Variants in CFTR observed in about 807,000 individuals in gnomAD.
CFTR encodes the protein cystic fibrosis transmembrane conductance regulator.
CFTR carries 181 observed loss-of-function variants against 171.6 expected under a neutral mutation model. The observed-to-expected ratio is 1.05, with a 90% confidence interval of 0.93 to 1.19. The LOEUF is 1.19. CFTR is among the 50% of genes most tolerant of loss of function. CFTR has a pLI of 0.00. For missense variants in CFTR, 1,968 were observed against 1,734.7 expected, an observed-to-expected ratio of 1.13 and a Z score of -2.39; for synonymous variants, 583 against 608.0, an observed-to-expected ratio of 0.96 and a Z score of 0.60.
chr7:117,482,540 A>G (rs1437661383), intron 1 of CFTR, among the ~76,000 whole-genome samples: 2 of 152,158 alleles, frequency 1.3e-5, no homozygotes, highest in Non-Finnish European at 2.9e-5. Flanking sequence ...GTAGTTCATG[A>G]CTATCAGAGC....
At chr7:117,592,713 G>A (rs1377554119) in intron 14 of CFTR, 56 bp downstream of exon 14, 6 of 1,405,956 alleles carry the variant, frequency 4.3e-6, no homozygotes, top group Non-Finnish European at 4.7e-6. Flanking sequence ...TGAGTAGAAT[G>A]CAATATGTAG....
chr7:117,611,544 T>C (rs747529849), intron 19 of CFTR, 37 bp from the exon 20 acceptor site: 2 of 1,165,368 alleles, frequency 1.7e-6, no homozygotes, highest in Non-Finnish European at 2.6e-6. Flanking sequence ...TTTGTGTTTA[T>C]GTTATTTGCA....
intron 3 of CFTR, among the ~76,000 whole-genome samples, chr7:117,521,013 T>C (rs933753143): frequency 2.0e-5 from 3 of 152,010 alleles, no homozygotes; most frequent in Non-Finnish European, 2.9e-5. Flanking sequence ...CTCCATTTAT[T>C]TGAGACTTTT....
chr7:117,543,880 T>TAC (rs1799096706), intron 9 of CFTR, among the ~76,000 whole-genome samples: 2 of 152,328 alleles, frequency 1.3e-5, no homozygotes, highest in South Asian at 4.1e-4. Flanking sequence ...TTATATTTTG[T>TAC]AGTGACTTCT....
intron 8 of CFTR, among the ~76,000 whole-genome samples, chr7:117,540,937 T>A (rs1011900472): frequency 6.6e-6 from 1 of 151,548 alleles, no homozygotes; most frequent in African/African-American, 2.4e-5. Context: ...GGGAGATGTC[T>A]CACACACACA....
At chr7:117,484,782 A>G (rs1017799976) in intron 1 of CFTR, among the ~76,000 whole-genome samples, 6 of 151,762 alleles carry the variant, frequency 4.0e-5, no homozygotes, top group African/African-American at 1.4e-4. Context: ...AATTTTAAAA[A>G]GTTCTCCTTT....
chr7:117,595,116 G>A, intron 15 of CFTR, 58 bp downstream of exon 15: 1 of 1,434,002 alleles, frequency 7.0e-7, no homozygotes, highest in Non-Finnish European at 9.7e-7. Flanking sequence ...AGATAGTTTG[G>A]GGATGTATAC....
intron 23 of CFTR, among the ~76,000 whole-genome samples, chr7:117,651,743 C>G (rs1412364642): frequency 6.6e-6 from 1 of 152,078 alleles, no homozygotes; most frequent in African/African-American, 2.4e-5. Context: ...TATGAAATTT[C>G]TAACATGATC....
At chr7:117,647,146 G>A (rs1793005970) in intron 23 of CFTR, among the ~76,000 whole-genome samples, 1 of 151,654 alleles carries the variant, frequency 6.6e-6, no homozygotes, top group South Asian at 2.1e-4. Context: ...CACTTTTTTG[G>A]AGACAGAGTC....
At chr7:117,641,155 AG>A (rs1792905243) in intron 22 of CFTR, among the ~76,000 whole-genome samples, 1 of 152,170 alleles carries the variant, frequency 6.6e-6, no homozygotes, top group Non-Finnish European at 1.5e-5. Context: ...TACGATGGAT[AG>A]GGGGTCAACT....
At chr7:117,495,615 AAAC>A in intron 1 of CFTR, among the ~76,000 whole-genome samples, 1 of 152,306 alleles carries the variant, frequency 6.6e-6, no homozygotes, top group South Asian at 2.1e-4. Context: ...AGAGGACAGA[AAAC>A]AAACAATTTA....
At chr7:117,516,797 T>G (rs975715445) in intron 3 of CFTR, among the ~76,000 whole-genome samples, 4 of 152,140 alleles carry the variant, frequency 2.6e-5, no homozygotes, top group African/African-American at 9.7e-5. Flanking sequence ...CACTTATCTT[T>G]TGAGTTACCA....
chr7:117,532,704 G>T (rs1798883440), intron 4 of CFTR, among the ~76,000 whole-genome samples: 1 of 152,154 alleles, frequency 6.6e-6, no homozygotes, highest in Admixed American at 6.6e-5. Flanking sequence ...CAGCTGCATT[G>T]ATAAAAAGTT....
intron 1 of CFTR, among the ~76,000 whole-genome samples, chr7:117,485,066 G>C (rs1292693793): frequency 6.6e-6 from 1 of 152,134 alleles, no homozygotes; most frequent in East Asian, 1.9e-4. Flanking sequence ...GTGGAACTTA[G>C]TGTAATAATA....
intron 10 of CFTR, among the ~76,000 whole-genome samples, chr7:117,552,078 A>G (rs1214587041): frequency 6.6e-6 from 1 of 152,010 alleles, no homozygotes; most frequent in Non-Finnish European, 1.5e-5. Flanking sequence ...ATATATATAC[A>G]CACACACATA....
At position 117,531,201 on chromosome 7, in the gene CFTR, A is replaced by G. The variant is rs969399514; in HGVS notation, c.489+87A>G. 9.6e-5 allele frequency: 95 copies of G among 989,140 alleles called. No individual in the cohort carries two copies. Among genetic ancestry groups the G allele is most frequent in the Non-Finnish European group, 1.3e-4 (83 of 641,040 alleles). The allele number at this position is 989,140 out of a possible 1,614,324, so 61.3% of individuals were successfully genotyped here. On this transcript the variant is annotated intron_variant, in intron 4 of 26. Coordinates refer to ENST00000003084, the MANE Select transcript of CFTR (RefSeq NM_000492.4). ...CATAAATTAGGTAGTGAGCTGGTAC[A>G]AGTAAGGGATAAATGCTGAAATTAA...
chr7:117,603,876 A>T, intron 17 of CFTR, 94 bp downstream of exon 17: 2 of 1,379,088 alleles, frequency 1.5e-6, no homozygotes, highest in Non-Finnish European at 2.0e-6. Context: ...TGGCTTTTGC[A>T]CAGAGGCATG....
intron 1 of CFTR, among the ~76,000 whole-genome samples, chr7:117,501,747 C>CAAAAAAAAAAAAA (rs1212853305): frequency 1.4e-4 from 6 of 43,898 alleles, no homozygotes; most frequent in African/African-American, 2.0e-4. Flanking sequence ...AACTCTGTCT[C>CAAAAAAAAAAAAA]AAAAAAAAAA....
At position 117,610,611 on chromosome 7, in the gene CFTR, T is replaced by A. The variant is rs768801808; in HGVS notation, c.3081T>A (p.Ile1027=). The change falls in exon 19 of 27, where the codon ATT becomes ATA. Residue 1027 remains isoleucine, a synonymous_variant. Coordinates refer to ENST00000003084, the MANE Select transcript of CFTR (RefSeq NM_000492.4). ...CAGTGCCAGTGATAGTGGCTTTTAT[T>A]ATGTTGAGAGCATATTTCCTCCAAA... ...VATVPVIVAF[I]MLRAYFLQTS... 3.1e-6 allele frequency: 5 copies of A among 1,613,684 alleles called. No homozygotes were observed. The highest frequency in any genetic ancestry group is 4.2e-6 in the Non-Finnish European group (5 of 1,179,770).
Sources: allele counts gnomAD v4.1 joint callset (sites outside exome capture counted in the v4.1 genomes callset), GRCh38; gene constraint gnomAD v4.1.1; transcripts MANE v1.5; gene names NCBI Gene and HGNC (gene_info 2026-07-23, HGNC 2026-07-21).